The following MGAT4C variants were observed in gnomAD, a reference collection of about 807,000 sequenced individuals.
MGAT4C encodes the protein alpha-1,3-mannosyl-glycoprotein 4-beta-N-acetylglucosaminyltransferase C.
In MGAT4C, 19 loss-of-function variants were observed where a neutral mutation model predicts 40.1. The ratio of observed to expected loss-of-function variants is 0.47; its 90% CI spans 0.33 to 0.70. The LOEUF (loss-of-function observed/expected upper bound fraction) is 0.70, where lower values mean the gene tolerates loss of function less well. Ranked by LOEUF, MGAT4C falls within the 30% of genes least tolerant of loss-of-function variation. The probability of loss-of-function intolerance (pLI) is 0.02; values close to 1 mark genes in which losing one functional copy is unlikely to be tolerated. For missense variants in MGAT4C, 491 were observed against 563.2 expected (o/e 0.87, Z 1.30); for synonymous variants, 181 against 187.1 (o/e 0.97, Z 0.27).
intron 2 of MGAT4C, among the ~76,000 whole-genome samples, chr12:86,564,643 G>A (rs1243680438): frequency 1.3e-5 from 2 of 152,218 alleles, no homozygotes; most frequent in Non-Finnish European, 2.9e-5. Flanking sequence ...TGTAGGGCCT[G>A]TTGAGATATT....
At chr12:86,209,142 T>C (rs929013977) in intron 1 of MGAT4C, among the ~76,000 whole-genome samples, 1 of 152,100 alleles carries the variant, frequency 6.6e-6, no homozygotes, top group Non-Finnish European at 1.5e-5. Flanking sequence ...TGATATTCTT[T>C]GCATATAATT....
intron 4 of MGAT4C, 63 bp downstream of exon 4, chr12:85,983,460 C>T: frequency 7.3e-7 from 1 of 1,364,480 alleles, no homozygotes; most frequent in East Asian, 2.5e-5. Flanking sequence ...ACATGTGAAA[C>T]TATCATTATT....
intron 2 of MGAT4C, among the ~76,000 whole-genome samples, chr12:86,509,253 G>A (rs1958528962): frequency 6.6e-6 from 1 of 152,056 alleles, no homozygotes; most frequent in African/African-American, 2.4e-5. Context: ...TGTGAGGAAG[G>A]CATCCAGTTT....
At chr12:86,793,318 C>T (rs138060187) in intron 1 of MGAT4C, among the ~76,000 whole-genome samples, 1,942 of 152,242 alleles carry the variant, frequency 0.013, 27 homozygotes, top group Non-Finnish European at 0.02. Flanking sequence ...ACGAAATCTT[C>T]AGTAACCAAG....
At chr12:86,208,416 G>A (rs1245096170) in intron 1 of MGAT4C, among the ~76,000 whole-genome samples, 3 of 152,160 alleles carry the variant, frequency 2.0e-5, no homozygotes, top group African/African-American at 7.2e-5. Context: ...GCAGTGAGCT[G>A]AGATGGCACC....
chr12:86,376,773 A>G (rs1353234042), intron 3 of MGAT4C, among the ~76,000 whole-genome samples: 1 of 151,002 alleles, frequency 6.6e-6, no homozygotes, highest in Non-Finnish European at 1.5e-5. Context: ...TCAAAGAGCA[A>G]GAAAGAGAGA....
chr12:86,552,044 C>CA (rs1959392973), intron 2 of MGAT4C, among the ~76,000 whole-genome samples: 1 of 132,780 alleles, frequency 7.5e-6, no homozygotes, highest in Admixed American at 7.4e-5. Context: ...AAAAAAAAAC[C>CA]AAAAAACAGA....
intron 4 of MGAT4C, among the ~76,000 whole-genome samples, chr12:86,305,227 G>A (rs1385133772): frequency 2.7e-5 from 4 of 150,208 alleles, no homozygotes; most frequent in Non-Finnish European, 5.9e-5. Flanking sequence ...ATCACCTGAG[G>A]TTGGGAGTTC....
chr12:86,456,986 G>T (rs974279227), intron 2 of MGAT4C, among the ~76,000 whole-genome samples: 6 of 152,062 alleles, frequency 3.9e-5, no homozygotes, highest in African/African-American at 1.2e-4. Flanking sequence ...CGGACTCCTG[G>T]ATCTTCTTCC....
At chr12:86,553,348 A>C (rs186750096) in intron 2 of MGAT4C, among the ~76,000 whole-genome samples, 2 of 152,272 alleles carry the variant, frequency 1.3e-5, no homozygotes, top group Admixed American at 1.3e-4. Flanking sequence ...TTTAACTTTA[A>C]ATATTTAAAC....
chr12:86,549,587 T>C (rs975690920), intron 2 of MGAT4C, among the ~76,000 whole-genome samples: 2 of 152,222 alleles, frequency 1.3e-5, no homozygotes, highest in African/African-American at 2.4e-5. Context: ...AACATTTTAA[T>C]AATGCTTCTA....
intron 1 of MGAT4C, among the ~76,000 whole-genome samples, chr12:86,199,084 C>T (rs922842737): frequency 1.4e-4 from 22 of 152,244 alleles, no homozygotes; most frequent in African/African-American, 5.3e-4. Context: ...AAATTTATTC[C>T]AGATTAAAAC....
At chr12:86,025,385 A>G (rs1890156380) in intron 2 of MGAT4C, among the ~76,000 whole-genome samples, 1 of 151,750 alleles carries the variant, frequency 6.6e-6, no homozygotes, top group Non-Finnish European at 1.5e-5. Context: ...TATGTAGATA[A>G]TAAACTAAAA....
chr12:86,640,792 G>A (rs908624306), intron 2 of MGAT4C, among the ~76,000 whole-genome samples: 1 of 151,628 alleles, frequency 6.6e-6, no homozygotes, highest in African/African-American at 2.4e-5. Flanking sequence ...CAGAGATTCT[G>A]GTATGTTGTG....
At chr12:86,354,951 G>A (rs1002253690) in intron 3 of MGAT4C, among the ~76,000 whole-genome samples, 1 of 152,188 alleles carries the variant, frequency 6.6e-6, no homozygotes, top group Non-Finnish European at 1.5e-5. Flanking sequence ...GAACCCAAGG[G>A]GGGTGCCACT....
intron 2 of MGAT4C, among the ~76,000 whole-genome samples, chr12:86,684,284 TG>T (rs763881947): frequency 3.9e-5 from 6 of 152,334 alleles, no homozygotes; most frequent in Admixed American, 2.0e-4. Context: ...ATGTGGTGTT[TG>T]GTTTTCTGTT....
At chr12:86,521,894 G>C (rs1366106794) in intron 2 of MGAT4C, among the ~76,000 whole-genome samples, 1 of 151,928 alleles carries the variant, frequency 6.6e-6, no homozygotes, top group Non-Finnish European at 1.5e-5. Flanking sequence ...TCCTGATTTG[G>C]CTATTGGCTA....
At chr12:86,528,008 AAAAT>A (rs1656905338) in intron 2 of MGAT4C, among the ~76,000 whole-genome samples, 1 of 152,170 alleles carries the variant, frequency 6.6e-6, no homozygotes, top group African/African-American at 2.4e-5. Flanking sequence ...TGGTAAAATA[AAAAT>A]AAATGTTAAA....
chr12:86,217,998 AT>A (rs1306418341), intron 1 of MGAT4C, among the ~76,000 whole-genome samples: 1 of 152,138 alleles, frequency 6.6e-6, no homozygotes, highest in African/African-American at 2.4e-5. Context: ...TAGTATTAAT[AT>A]CAAAATTATA....
Sources: allele counts gnomAD v4.1 joint callset (sites outside exome capture counted in the v4.1 genomes callset), GRCh38; gene constraint gnomAD v4.1.1; transcripts MANE v1.5; gene names NCBI Gene and HGNC (gene_info 2026-07-23, HGNC 2026-07-21).